Variants in DNAAF9 observed in about 807,000 individuals in gnomAD.
DNAAF9 encodes shulin.
In DNAAF9, 90 loss-of-function variants were observed where a neutral mutation model predicts 167.0. That is an observed-to-expected ratio of 0.54 (90% CI 0.45 to 0.64). The LOEUF is 0.64. Among genes scored for constraint, DNAAF9 ranks in the 30% least tolerant of loss-of-function variants. The pLI is 0.00. For missense variants in DNAAF9, 1,315 were observed against 1,442.2 expected (o/e 0.91, Z 1.43); for synonymous variants, 491 against 508.8 (o/e 0.96, Z 0.47).
chr20:3,299,916 T>G (rs1189126221), intron 21 of DNAAF9, among the ~76,000 whole-genome samples: 1 of 152,212 alleles, frequency 6.6e-6, no homozygotes, highest in Non-Finnish European at 1.5e-5. Flanking sequence ...CCTATTTCTT[T>G]TTTGAGACAC....
Position 3,407,476 on chromosome 20 carries a change from T to A in DNAAF9, c.82A>T (p.Ser28Cys). 1 of 1,308,128 alleles carries A rather than the reference T, an allele frequency of 7.6e-7. No homozygotes were observed. The highest frequency in any genetic ancestry group is 9.7e-7 in the Non-Finnish European group (1 of 1,030,990). 81.0% of individuals were successfully genotyped at this position (1,308,128 alleles called of 1,614,324 possible). A position where few individuals can be genotyped will look rare whatever the true frequency, so the allele number is the denominator to read the frequency against. Residue 28 changes from serine (S) to cysteine (C), a missense_variant and splice_region_variant, in exon 1 of 37, where the codon AGC becomes TGC. By Grantham distance (112) the Ser-to-Cys change is moderately radical. Transcript: ENST00000252032. ...CTCGGCTGCCTCTGCCCCGCGTACC[T>A]GACGGAGGGTGACCCGCGGCTGGAG... is the stretch of plus-strand genomic sequence containing the variant. ...GGSSRGSPSV[S>C]CSRLRQVQSI...
Position 3,253,812 on chromosome 20 carries a change from C to T in DNAAF9, c.3335G>A (p.Arg1112His), listed in dbSNP as rs376440074. The T allele has an allele frequency of 1.6e-5, 25 of 1,592,330 alleles. No individual in the cohort carries two copies. Among genetic ancestry groups the T allele is most frequent in the Non-Finnish European group, 2.1e-5 (24 of 1,160,360 alleles). The change falls in exon 36 of 37, where the codon CGC (arginine) becomes CAC (histidine). Residue 1112 changes from arginine to histidine, a missense_variant. Arg to His is a conservative substitution (Grantham distance 29). Coordinates refer to ENST00000252032, the MANE Select transcript of DNAAF9 (RefSeq NM_001009984.3). ...QQEIRSIHVK[R>H]HLEPLPAGYF... Reference sequence around the variant, plus strand: ...GCCTGCAGGTAGGGGTTCCAAGTGGCGTTTTACCTGTAGGAGAAAAGAGAC... The same window carrying T: ...GCCTGCAGGTAGGGGTTCCAAGTGGTGTTTTACCTGTAGGAGAAAAGAGAC...
intron 7 of DNAAF9, among the ~76,000 whole-genome samples, chr20:3,352,846 T>TA (rs2070350765): frequency 1.4e-5 from 2 of 146,706 alleles, no homozygotes; most frequent in African/African-American, 2.5e-5. Flanking sequence ...TTCAAAATAT[T>TA]TATATATATA....
chr20:3,323,089 G>C (rs896320633), intron 14 of DNAAF9, among the ~76,000 whole-genome samples: 1 of 151,230 alleles, frequency 6.6e-6, no homozygotes, highest in African/African-American at 2.4e-5. Flanking sequence ...GGCCTTCAGA[G>C]TTGAGAAATA....
In DNAAF9 at chr20:3,311,010, G is replaced by A. The variant is rs148251546; in HGVS notation, c.1678+4023C>T. On this transcript the variant is annotated intron_variant, in intron 20 of 36. Coordinates refer to ENST00000252032, the MANE Select transcript of DNAAF9 (RefSeq NM_001009984.3). ...GGCCTCATCAAAAAAAGCCATATGTGGGCTCATACTAAAATTCCAAATTTT... is the reference window on the plus strand; with the variant it reads ...GGCCTCATCAAAAAAAGCCATATGTAGGCTCATACTAAAATTCCAAATTTT... Among the ~76,000 whole-genome samples the A allele has an allele frequency of 2.7e-3, 411 of 152,150 alleles. 1 individual carries two copies. Among genetic ancestry groups the A allele is most frequent in the African/African-American group, 9.3e-3 (386 of 41,518 alleles).
intron 10 of DNAAF9, among the ~76,000 whole-genome samples, chr20:3,339,760 T>C (rs2070041289): frequency 6.6e-6 from 1 of 152,216 alleles, no homozygotes; most frequent in African/African-American, 2.4e-5. Flanking sequence ...TACAGTGGCA[T>C]GTGCCTGTGG....
chr20:3,321,861 T>C (rs999073991), intron 16 of DNAAF9, among the ~76,000 whole-genome samples: 1 of 152,154 alleles, frequency 6.6e-6, no homozygotes, highest in Non-Finnish European at 1.5e-5. Flanking sequence ...AAAAACTTAG[T>C]CTGTTAGTCA....
chr20:3,286,233 TC>T, intron 27 of DNAAF9, among the ~76,000 whole-genome samples: 1 of 152,100 alleles, frequency 6.6e-6, no homozygotes, highest in Non-Finnish European at 1.5e-5. Flanking sequence ...TGACTAGAGG[TC>T]CCCATATCCT....
At chr20:3,354,816 C>T (rs930832875) in intron 7 of DNAAF9, among the ~76,000 whole-genome samples, 1 of 152,194 alleles carries the variant, frequency 6.6e-6, no homozygotes, top group Non-Finnish European at 1.5e-5. Flanking sequence ...CACTATCACA[C>T]ATCAAAAGGG....
At chr20:3,324,240 T>C (rs1209194806) in intron 14 of DNAAF9, among the ~76,000 whole-genome samples, 4 of 152,224 alleles carry the variant, frequency 2.6e-5, no homozygotes, top group Non-Finnish European at 5.9e-5. Context: ...ATGTGGGACA[T>C]AGACCTGAGG....
intron 26 of DNAAF9, among the ~76,000 whole-genome samples, chr20:3,289,604 C>T (rs750373873): frequency 2.0e-5 from 3 of 152,130 alleles, no homozygotes; most frequent in Admixed American, 6.5e-5. Flanking sequence ...ACCGCAGCCT[C>T]GCCCTCCTAG....
intron 4 of DNAAF9, among the ~76,000 whole-genome samples, chr20:3,375,971 G>T (rs1439932695): frequency 6.6e-6 from 1 of 152,152 alleles, no homozygotes; most frequent in Non-Finnish European, 1.5e-5. Context: ...GTCCCAATTT[G>T]AACAGCCTCC....
chr20:3,283,552 T>C (rs867994705), intron 27 of DNAAF9, among the ~76,000 whole-genome samples: 88 of 152,302 alleles, frequency 5.8e-4, no homozygotes, highest in African/African-American at 2.0e-3. Flanking sequence ...TTCCACTGAG[T>C]GCCTGGCTGG....
intron 1 of DNAAF9, among the ~76,000 whole-genome samples, chr20:3,398,094 G>C (rs944028253): frequency 2.6e-5 from 4 of 152,242 alleles, no homozygotes; most frequent in Non-Finnish European, 4.4e-5. Context: ...GTCCTTTCCA[G>C]GGCTATCTCA....
At position 3,315,777 on chromosome 20, in the gene DNAAF9, A is replaced by G; in HGVS notation, c.1548T>C (p.Asp516=). ...TTTTCTCAGACAATTTTACTTCATT[A>G]TCTTCCACCTGTGTCCAAAAGGAAT... is the stretch of plus-strand genomic sequence containing the variant. ...VPRFCSWLVE[D]NEVKLSEKTQ... The change falls in exon 19 of 37, where the codon GAT becomes GAC. Residue 516 remains aspartate, a synonymous_variant. Coordinates refer to ENST00000252032, the MANE Select transcript of DNAAF9 (RefSeq NM_001009984.3). This position sits in a 1 kb window ranked among gnomAD's most constrained non-coding sequence, Gnocchi z 4.1. 6.2e-7 allele frequency: 1 copy of G among 1,613,510 alleles called. No homozygotes were observed. The highest frequency in any genetic ancestry group is 1.1e-5 in the South Asian group (1 of 91,068).
chr20:3,384,979 T>C (rs1202792026), intron 1 of DNAAF9, among the ~76,000 whole-genome samples: 1 of 152,082 alleles, frequency 6.6e-6, no homozygotes, highest in Non-Finnish European at 1.5e-5. Flanking sequence ...ATTATATGAA[T>C]GTACCCTGAA....
chr20:3,369,574 G>A (rs1403548552), intron 6 of DNAAF9, among the ~76,000 whole-genome samples: 2 of 151,834 alleles, frequency 1.3e-5, no homozygotes, highest in African/African-American at 2.4e-5. Flanking sequence ...CGGGGGTCTC[G>A]CTGTGTTGAC....
chr20:3,270,268 G>A (rs1952118393), intron 30 of DNAAF9, among the ~76,000 whole-genome samples, 159 bp downstream of exon 30: 1 of 151,488 alleles, frequency 6.6e-6, no homozygotes, highest in Non-Finnish European at 1.5e-5. Context: ...TCAGCCTCCC[G>A]AGTAGCTGGG....
chr20:3,323,666 G>A (rs1179279631), intron 14 of DNAAF9, among the ~76,000 whole-genome samples: 1 of 152,202 alleles, frequency 6.6e-6, no homozygotes, highest in African/African-American at 2.4e-5. Context: ...ATTGACTGGT[G>A]TTTTCTTCTT....
Sources: allele counts gnomAD v4.1 joint callset (sites outside exome capture counted in the v4.1 genomes callset), GRCh38; gene constraint gnomAD v4.1.1; non-coding constraint Gnocchi (gnomAD v3.1); transcripts MANE v1.5; gene names NCBI Gene and HGNC (gene_info 2026-07-23, HGNC 2026-07-21).